The following ZHX2 variants were observed in gnomAD, a reference collection of about 807,000 sequenced individuals.
ZHX2 encodes zinc fingers and homeoboxes protein 2.
ZHX2 carries 6 observed loss-of-function variants against 21.9 expected under a neutral mutation model. That is an observed-to-expected ratio of 0.27 (90% CI 0.15 to 0.54). The LOEUF (loss-of-function observed/expected upper bound fraction) is 0.54. ZHX2 is among the 20% of genes least tolerant of loss of function. The pLI is 0.95. For missense variants in ZHX2, 908 were observed against 1,090.7 expected (o/e 0.83, Z 2.36); for synonymous variants, 434 against 437.1 (o/e 0.99, Z 0.09).
intron 1 of ZHX2, among the ~76,000 whole-genome samples, chr8:122,792,994 G>A (rs1312077273): frequency 6.6e-6 from 1 of 152,192 alleles, no homozygotes; most frequent in East Asian, 1.9e-4. Flanking sequence ...CCATACCGCT[G>A]CCCCTTCCCT....
chr8:122,858,806 A>T (rs1051823231), intron 1 of ZHX2, among the ~76,000 whole-genome samples: 8 of 151,814 alleles, frequency 5.3e-5, no homozygotes, highest in Admixed American at 5.2e-4. Context: ...ATACCCAGCT[A>T]ATTTTTGTAT....
intron 2 of ZHX2, among the ~76,000 whole-genome samples, chr8:122,878,482 G>A (rs1819620978): frequency 6.6e-6 from 1 of 152,116 alleles, no homozygotes; most frequent in Non-Finnish European, 1.5e-5. Context: ...GGATGACAGG[G>A]GTGAGTTGAC....
chr8:122,853,820 A>G (rs1818962483), intron 1 of ZHX2, among the ~76,000 whole-genome samples: 1 of 152,056 alleles, frequency 6.6e-6, no homozygotes, highest in African/African-American at 2.4e-5. Context: ...CCACTCTCCA[A>G]CAAAGTTACA....
At chr8:122,956,036 G>C (rs1366286144) in intron 3 of ZHX2, among the ~76,000 whole-genome samples, 1 of 151,912 alleles carries the variant, frequency 6.6e-6, no homozygotes, top group African/African-American at 2.4e-5. Flanking sequence ...GTAGAGACGG[G>C]GTTTTGCCGT....
intron 1 of ZHX2, among the ~76,000 whole-genome samples, chr8:122,809,774 G>C (rs1817890222): frequency 6.6e-6 from 1 of 152,174 alleles, no homozygotes; most frequent in South Asian, 2.1e-4. Flanking sequence ...TTTGCCCCAT[G>C]CCAGCTATGT....
chr8:122,840,111 C>T (rs1353639538), intron 1 of ZHX2, among the ~76,000 whole-genome samples: 1 of 152,174 alleles, frequency 6.6e-6, no homozygotes. Flanking sequence ...CCTATTCTAC[C>T]TTTGTTTAAA....
chr8:122,903,091 A>G (rs1031667888), intron 2 of ZHX2, among the ~76,000 whole-genome samples: 1 of 152,194 alleles, frequency 6.6e-6, no homozygotes, highest in East Asian at 1.9e-4. Context: ...TAGCTGGGTG[A>G]CTGCTTCTCC....
rs1812917237 is a variant in ZHX2, at chr8:122,944,401, G to T, written c.-219-6891G>T. 2.6e-5 allele frequency among the ~76,000 whole-genome samples: 4 copies of T among 151,980 alleles called. No homozygotes were observed. The South Asian group carries it at 8.3e-4, about 32-fold the overall frequency. On this transcript the variant is annotated intron_variant, in intron 2 of 3. Transcript: ENST00000314393. ...AAGAAGAGGAAAGTTGCCTCCCCTG[G>T]AAAGCCTTTATCTACCCTCCCCCAA...
intron 2 of ZHX2, among the ~76,000 whole-genome samples, chr8:122,921,522 A>G (rs1820739420): frequency 1.3e-5 from 2 of 152,256 alleles, no homozygotes; most frequent in South Asian, 4.1e-4. Context: ...TCTCGCCACA[A>G]AAAAGAAGCG....
intron 2 of ZHX2, among the ~76,000 whole-genome samples, chr8:122,929,640 TAA>T (rs754405611): frequency 2.3e-4 from 32 of 136,312 alleles, no homozygotes; most frequent in Admixed American, 2.9e-4. Flanking sequence ...GACCATGTCT[TAA>T]AAAAAAAAAA....
At chr8:122,954,091 G>A in intron 3 of ZHX2, 63 bp downstream of exon 3, 1 of 1,424,410 alleles carries the variant, frequency 7.0e-7, no homozygotes, top group East Asian at 2.5e-5. Context: ...TTCGTTGCCA[G>A]GGTTAATATA....
chr8:122,947,220 G>A (rs1051684274), intron 2 of ZHX2, among the ~76,000 whole-genome samples: 14 of 151,316 alleles, frequency 9.3e-5, no homozygotes, highest in South Asian at 2.1e-4. Context: ...AGCTGAGATC[G>A]TGCCATTGCA....
intron 2 of ZHX2, among the ~76,000 whole-genome samples, chr8:122,915,547 T>C (rs576693058): frequency 1.3e-5 from 2 of 152,338 alleles, no homozygotes; most frequent in East Asian, 1.9e-4. Flanking sequence ...GGGGATTTCA[T>C]GTGGAAAATC....
chr8:122,857,895 T>C (rs1453163447), intron 1 of ZHX2, among the ~76,000 whole-genome samples: 2 of 152,252 alleles, frequency 1.3e-5, no homozygotes, highest in Non-Finnish European at 2.9e-5. Flanking sequence ...AGCCATGTGC[T>C]CCGGAAGTGG....
At chr8:122,816,090 A>AG (rs1488414545) in intron 1 of ZHX2, among the ~76,000 whole-genome samples, 1 of 151,544 alleles carries the variant, frequency 6.6e-6, no homozygotes, top group African/African-American at 2.4e-5. Context: ...AAAAAAAAAA[A>AG]AAAAAAAAGG....
chr8:122,800,687 G>A (rs1248426446), intron 1 of ZHX2, among the ~76,000 whole-genome samples: 1 of 152,190 alleles, frequency 6.6e-6, no homozygotes, highest in Non-Finnish European at 1.5e-5. Flanking sequence ...CAGGTTAACA[G>A]TGAGTGCTTG....
chr8:122,890,195 C>T (rs546164777), intron 2 of ZHX2, among the ~76,000 whole-genome samples: 66 of 152,144 alleles, frequency 4.3e-4, no homozygotes, highest in African/African-American at 1.4e-3. Context: ...GTTTTCCCAG[C>T]GCCATTTATT....
At chr8:122,820,021 A>G (rs1388923933) in intron 1 of ZHX2, among the ~76,000 whole-genome samples, 1 of 151,914 alleles carries the variant, frequency 6.6e-6, no homozygotes, top group Non-Finnish European at 1.5e-5. Flanking sequence ...GGGGTTGGCG[A>G]GACTGCCATG....
At chr8:122,892,586 A>G (rs966941030) in intron 2 of ZHX2, among the ~76,000 whole-genome samples, 8 of 152,098 alleles carry the variant, frequency 5.3e-5, no homozygotes, top group African/African-American at 1.7e-4. Context: ...TATCTGCTTT[A>G]CCAGTGACTT....
Sources: allele counts gnomAD v4.1 joint callset (sites outside exome capture counted in the v4.1 genomes callset), GRCh38; gene constraint gnomAD v4.1.1; transcripts MANE v1.5; gene names NCBI Gene and HGNC (gene_info 2026-07-23, HGNC 2026-07-21).